Variants in DNAH11 observed in about 807,000 individuals in gnomAD.
The protein encoded by DNAH11 is axonemal beta dynein heavy chain 11.
DNAH11 carries 442 observed loss-of-function variants against 526.0 expected under a neutral mutation model. The ratio of observed to expected loss-of-function variants is 0.84; its 90% CI spans 0.78 to 0.91. The LOEUF (loss-of-function observed/expected upper bound fraction) is 0.91. DNAH11 is among the 40% of genes least tolerant of loss of function. The pLI is 0.00. For missense variants in DNAH11, 6,989 were observed against 5,448.7 expected (o/e 1.28, Z -8.90); for synonymous variants, 2,461 against 1,935.9 (o/e 1.27, Z -7.12).
rs371557096 is a variant in DNAH11 at position 21,701,990 on chromosome 7, G to A, written c.6181-720G>A. On this transcript the variant is annotated intron_variant, in intron 36 of 81. Transcript: ENST00000409508. ...GTTAGGAATACCTTTACTGAGCACC[G>A]TGCAATGTGCTAGCCCCAAGAAGAC... Among the ~76,000 whole-genome samples the A allele has an allele frequency of 7.9e-5, 12 of 152,234 alleles. No individual in the cohort carries two copies. The South Asian group carries it at 1.0e-3, about 13-fold the overall frequency.
chr7:21,722,850 C>T (rs1784935522), intron 44 of DNAH11, among the ~76,000 whole-genome samples: 1 of 152,134 alleles, frequency 6.6e-6, no homozygotes, highest in South Asian at 2.1e-4. Flanking sequence ...TTCTCCCTTT[C>T]TGGGACTGTA....
intron 61 of DNAH11, among the ~76,000 whole-genome samples, chr7:21,792,408 G>T (rs1161812920): frequency 6.6e-6 from 1 of 152,140 alleles, no homozygotes; most frequent in Non-Finnish European, 1.5e-5. Flanking sequence ...GTCAGGTAAT[G>T]CAGGTCTCAT....
At chr7:21,726,587 C>T (rs1053296003) in intron 45 of DNAH11, among the ~76,000 whole-genome samples, 7 of 151,794 alleles carry the variant, frequency 4.6e-5, no homozygotes, top group Admixed American at 2.0e-4. Flanking sequence ...GATGGCCAGG[C>T]GCGGTGGTTC....
At chr7:21,587,356 T>C (rs1203488309) in intron 9 of DNAH11, among the ~76,000 whole-genome samples, 2 of 152,132 alleles carry the variant, frequency 1.3e-5, no homozygotes, top group African/African-American at 2.4e-5. Flanking sequence ...TGTGTCTGCT[T>C]TCTCCTGTCC....
intron 56 of DNAH11, among the ~76,000 whole-genome samples, chr7:21,778,657 G>A (rs1335338196): frequency 4.6e-5 from 7 of 152,150 alleles, no homozygotes; most frequent in Admixed American, 3.9e-4. Flanking sequence ...AAGCAGACGT[G>A]GGTAAAGGAG....
At chr7:21,829,348 A>G (rs1436769801) in intron 65 of DNAH11, among the ~76,000 whole-genome samples, 1 of 151,992 alleles carries the variant, frequency 6.6e-6, no homozygotes, top group Non-Finnish European at 1.5e-5. Context: ...TCTCCTATTC[A>G]GAGAACATGT....
At chr7:21,772,200 C>G (rs1425858842) in intron 55 of DNAH11, among the ~76,000 whole-genome samples, 2 of 152,216 alleles carry the variant, frequency 1.3e-5, no homozygotes, top group Non-Finnish European at 2.9e-5. Flanking sequence ...CAAGTTGTCT[C>G]AGGCCACTTT....
Position 21,787,436 on chromosome 7 carries a change from C to A in DNAH11, c.9777C>A (p.Asp3259Glu). The A allele has an allele frequency of 1.2e-6, 2 of 1,611,066 alleles. No individual in the cohort carries two copies. Among genetic ancestry groups the A allele is most frequent in the South Asian group, 1.1e-5 (1 of 90,346 alleles). The stretch of plus-strand genomic sequence containing the variant: ...TTTTGCAAGCATTAATTAACTATGA[C>A]AAAGAGCACATTCCAGAGAACTGTC... ...DDFLQALINY[D>E]KEHIPENCLK... is the part of the protein sequence containing the mutation. The change falls in exon 60 of 82, where the codon GAC (aspartate) becomes GAA (glutamate). Residue 3259 changes from aspartate to glutamate, a missense_variant. Asp to Glu is a conservative substitution (Grantham distance 45, BLOSUM62 2). Transcript: ENST00000409508.
intron 30 of DNAH11, among the ~76,000 whole-genome samples, chr7:21,660,057 A>G (rs1214145504): frequency 6.6e-6 from 1 of 152,112 alleles, no homozygotes; most frequent in Non-Finnish European, 1.5e-5. Flanking sequence ...TTGAAGTTAC[A>G]GGATTCAATT....
chr7:21,862,378 G>A (rs891685017), intron 69 of DNAH11, among the ~76,000 whole-genome samples: 1 of 152,182 alleles, frequency 6.6e-6, no homozygotes, highest in African/African-American at 2.4e-5. Context: ...TCAGGGTTAT[G>A]AGTCCAGATC....
chr7:21,718,871 C>T (rs929572107), intron 43 of DNAH11, among the ~76,000 whole-genome samples: 10 of 152,260 alleles, frequency 6.6e-5, no homozygotes, highest in Admixed American at 3.3e-4. Context: ...TTGGATAATT[C>T]GCACACCAAT....
chr7:21,673,597 GC>G (rs1301070313), intron 30 of DNAH11, among the ~76,000 whole-genome samples: 4 of 152,032 alleles, frequency 2.6e-5, no homozygotes, highest in Admixed American at 2.0e-4. Context: ...CTCTCTCAAG[GC>G]TGCCCTGACT....
chr7:21,855,779 T>G (rs567898047), intron 68 of DNAH11, among the ~76,000 whole-genome samples: 43 of 152,250 alleles, frequency 2.8e-4, no homozygotes, highest in African/African-American at 9.6e-4. Context: ...GTGTATAGTT[T>G]TGGACAAAAC....
At chr7:21,724,668 G>A (rs1406942647) in intron 44 of DNAH11, among the ~76,000 whole-genome samples, 2 of 151,012 alleles carry the variant, frequency 1.3e-5, no homozygotes, top group Admixed American at 1.3e-4. Context: ...GTCATCCTAT[G>A]AATATAGGAA....
At chr7:21,599,180 GAACTAATT>G (rs1784977486) in intron 14 of DNAH11, among the ~76,000 whole-genome samples, 1 of 152,246 alleles carries the variant, frequency 6.6e-6, no homozygotes, top group African/African-American at 2.4e-5. Flanking sequence ...CACAGTGGTT[GAACTAATT>G]AACATTTCTA....
Position 21,717,875 on chromosome 7 carries a change from A to G in DNAH11, c.7084A>G (p.Arg2362Gly). ...KYVPACLDKL[R>G]TSFKTITSIP... is the part of the protein sequence containing the mutation. ...TGTCCCTGCATGCTTGGATAAACTG[A>G]GAACAAGCTTTAAAACCATCACTTC... The change falls in exon 43 of 82, where the codon AGA becomes GGA. Residue 2362 changes from arginine (R) to glycine (G), a missense_variant. Physicochemically the swap from Arg to Gly is moderately radical, Grantham distance 125 (BLOSUM62 -2). Coordinates refer to ENST00000409508, the MANE Select transcript of DNAH11 (RefSeq NM_001277115.2). 3 of 1,613,874 alleles carry G rather than the reference A, an allele frequency of 1.9e-6. No individual in the cohort carries two copies. The South Asian group carries it at 3.3e-5, about 18-fold the overall frequency.
Position 21,658,984 on chromosome 7 carries a change from C to G in DNAH11, c.5281C>G (p.Leu1761Val). Residue 1761 changes from leucine to valine, a missense_variant, in exon 30 of 82, where the codon CTG becomes GTG. Coordinates refer to ENST00000409508, the MANE Select transcript of DNAH11 (RefSeq NM_001277115.2). ...TTDVGIAFSRLEEGYETALKD... is the reference protein window; with the variant it reads ...TTDVGIAFSRVEEGYETALKD... ...AGATGTAGGAATAGCCTTCAGTAGA[C>G]TGGAAGAAGGCTACGAAACAGCCCT... 6.2e-7 allele frequency: 1 copy of G among 1,609,370 alleles called. No homozygotes were observed. The highest frequency in any genetic ancestry group is 1.1e-5 in the South Asian group (1 of 89,970).
chr7:21,631,711 G>A (rs1014474971), intron 25 of DNAH11, among the ~76,000 whole-genome samples: 4 of 152,304 alleles, frequency 2.6e-5, no homozygotes, highest in African/African-American at 7.2e-5. Flanking sequence ...GGGCAGCTCC[G>A]CCTCTGTGGC....
intron 74 of DNAH11, among the ~76,000 whole-genome samples, chr7:21,879,332 C>T (rs1246357238): frequency 1.3e-5 from 2 of 152,028 alleles, no homozygotes; most frequent in African/African-American, 4.8e-5. Context: ...TGGTGCATGC[C>T]TGTAGTCCCA....
Sources: allele counts gnomAD v4.1 joint callset (sites outside exome capture counted in the v4.1 genomes callset), GRCh38; gene constraint gnomAD v4.1.1; transcripts MANE v1.5; gene names NCBI Gene and HGNC (gene_info 2026-07-23, HGNC 2026-07-21).